DCC: variants seen among roughly 807,000 people sequenced by gnomAD.
The protein encoded by DCC is DCC netrin 1 receptor.
A neutral mutation model predicts 172.5 loss-of-function variants in DCC; 58 were observed. That is an observed-to-expected ratio of 0.34 (90% CI 0.27 to 0.42). DCC has a LOEUF of 0.42. DCC is among the 10% of genes least tolerant of loss of function. The pLI is 1.00. For synonymous variants in DCC, 709 were observed against 644.5 expected (o/e 1.10, Z -1.52); for missense variants, 1,740 against 1,791.0 (o/e 0.97, Z 0.51).
In DCC at chr18:52,698,762, C is replaced by CTTT. The variant is rs1249372991; in HGVS notation, c.92-53291_92-53290insTTT. Among the ~76,000 whole-genome samples, 36 of 44,028 alleles carry CTTT rather than the reference C, an allele frequency of 8.2e-4. 1 individual carries two copies. Among genetic ancestry groups the CTTT allele is most frequent in the African/African-American group, 1.1e-3 (13 of 11,388 alleles). 28.9% of individuals were successfully genotyped at this position (44,028 alleles called of 152,430 possible). On this transcript the variant is annotated intron_variant, in intron 1 of 28. Transcript: ENST00000442544. ...TACAGGCTCCCGCCACCACGCCTGG[C>CTTT]TATTTTTTTTTTTTTTTTTTGTAGT...
At chr18:53,171,165 G>A (rs1302474456) in intron 8 of DCC, among the ~76,000 whole-genome samples, 3 of 152,170 alleles carry the variant, frequency 2.0e-5, no homozygotes, top group Admixed American at 1.3e-4. Context: ...GATTACAGGT[G>A]TGAGCCACTG....
chr18:52,647,721 G>A (rs1426152589), intron 1 of DCC, among the ~76,000 whole-genome samples: 1 of 152,198 alleles, frequency 6.6e-6, no homozygotes, highest in Non-Finnish European at 1.5e-5. Context: ...AGTTCAGGGG[G>A]AAAGGTACTT....
chr18:52,610,159 A>T (rs1438423115), intron 1 of DCC, among the ~76,000 whole-genome samples: 31 of 10,486 alleles, frequency 3.0e-3, no homozygotes, highest in Non-Finnish European at 4.2e-3. Context: ...CATAAAAAAA[A>T]AAAAAAAAAA....
intron 1 of DCC, among the ~76,000 whole-genome samples, chr18:52,574,509 A>G (rs987315376): frequency 2.6e-5 from 4 of 152,206 alleles, no homozygotes; most frequent in Admixed American, 1.3e-4. Context: ...GAGCTATGGA[A>G]TAGTTCTTTA....
intron 5 of DCC, among the ~76,000 whole-genome samples, chr18:53,034,068 C>G (rs957039025): frequency 6.6e-6 from 1 of 152,074 alleles, no homozygotes; most frequent in South Asian, 2.1e-4. Flanking sequence ...CCTCTTAGTT[C>G]TCACTTCTCT....
intron 24 of DCC, 90 bp from the exon 25 acceptor site, chr18:53,467,804 A>T (rs748634337): frequency 1.0e-5 from 8 of 779,968 alleles, no homozygotes; most frequent in Non-Finnish European, 1.9e-5. Context: ...CATCTGTAAG[A>T]CTGAAAAGGC....
chr18:52,801,455 A>C (rs185404019), intron 2 of DCC, among the ~76,000 whole-genome samples: 1 of 152,218 alleles, frequency 6.6e-6, no homozygotes. Context: ...GGTGAAAAAA[A>C]AATTGCCTCA....
At chr18:52,888,557 T>TA (rs573641398) in intron 2 of DCC, among the ~76,000 whole-genome samples, 103 of 152,208 alleles carry the variant, frequency 6.8e-4, no homozygotes, top group African/African-American at 2.1e-3. Context: ...TCTGATTACT[T>TA]AAAAAAAGTA....
intron 15 of DCC, among the ~76,000 whole-genome samples, chr18:53,357,794 A>G (rs928924191): frequency 6.6e-6 from 1 of 152,208 alleles, no homozygotes; most frequent in Non-Finnish European, 1.5e-5. Flanking sequence ...GTGCAGCAAT[A>G]GTGAACACGG....
intron 1 of DCC, among the ~76,000 whole-genome samples, chr18:52,385,573 C>A (rs1245700929): frequency 6.6e-6 from 1 of 152,032 alleles, no homozygotes; most frequent in Non-Finnish European, 1.5e-5. Flanking sequence ...TCCAGGGGAA[C>A]AGTTCCACAG....
chr18:52,415,702 C>G (rs969516893), intron 1 of DCC, among the ~76,000 whole-genome samples: 1 of 152,088 alleles, frequency 6.6e-6, no homozygotes, highest in Non-Finnish European at 1.5e-5. Flanking sequence ...CAGTGGGGAA[C>G]AGCTTTTTGA....
chr18:53,051,897 A>G (rs1192027330), intron 5 of DCC, among the ~76,000 whole-genome samples: 2 of 152,082 alleles, frequency 1.3e-5, no homozygotes, highest in African/African-American at 4.8e-5. Context: ...CCAGAAAAGT[A>G]TCCTATTCTT....
chr18:53,371,546 G>T (rs2058060118), intron 15 of DCC, among the ~76,000 whole-genome samples: 1 of 151,900 alleles, frequency 6.6e-6, no homozygotes, highest in Admixed American at 6.6e-5. Context: ...GATGGTTCTT[G>T]CAGGTTTTTA....
chr18:53,044,984 G>T (rs1219957252), intron 5 of DCC, among the ~76,000 whole-genome samples: 6 of 151,794 alleles, frequency 4.0e-5, no homozygotes, highest in African/African-American at 1.2e-4. Flanking sequence ...TTTGACATAT[G>T]AACAGATATA....
At chr18:52,745,239 T>G (rs931573884) in intron 1 of DCC, among the ~76,000 whole-genome samples, 1 of 152,218 alleles carries the variant, frequency 6.6e-6, no homozygotes, top group Admixed American at 6.5e-5. Flanking sequence ...GTTCACCTAC[T>G]TACTTAGAAA....
intron 9 of DCC, among the ~76,000 whole-genome samples, chr18:53,183,461 A>C (rs898486493): frequency 6.6e-6 from 1 of 152,060 alleles, no homozygotes; most frequent in Non-Finnish European, 1.5e-5. Flanking sequence ...TTCATACCAC[A>C]TGTGGAGATT....
chr18:53,456,416 C>T (rs2045483834), intron 23 of DCC, among the ~76,000 whole-genome samples: 1 of 152,054 alleles, frequency 6.6e-6, no homozygotes, highest in Non-Finnish European at 1.5e-5. Flanking sequence ...TATTCTAGGG[C>T]TATTTTAGAA....
chr18:52,491,762 G>T lies in DCC; in HGVS notation c.91+150884G>T, dbSNP rs537677899. On this transcript the variant is annotated intron_variant, in intron 1 of 28. Coordinates refer to ENST00000442544, the MANE Select transcript of DCC (RefSeq NM_005215.4). Reference sequence around the variant, plus strand: ...TATGGGAGAAGGGAAACTCACGAATGCTTAGGAAGTTTACTTGAGTAGCTG... The same window carrying T: ...TATGGGAGAAGGGAAACTCACGAATTCTTAGGAAGTTTACTTGAGTAGCTG... Among the ~76,000 whole-genome samples the T allele has an allele frequency of 5.9e-5, 9 of 152,130 alleles. No individual in the cohort carries two copies. The South Asian group carries it at 1.9e-3, about 32-fold the overall frequency.
intron 1 of DCC, among the ~76,000 whole-genome samples, chr18:52,748,408 C>T (rs943852625): frequency 1.3e-5 from 2 of 152,212 alleles, no homozygotes; most frequent in African/African-American, 2.4e-5. Flanking sequence ...CTCCGGGAGT[C>T]CCAAGGTCTG....
Sources: allele counts gnomAD v4.1 joint callset (sites outside exome capture counted in the v4.1 genomes callset), GRCh38; gene constraint gnomAD v4.1.1; transcripts MANE v1.5; gene names NCBI Gene and HGNC (gene_info 2026-07-23, HGNC 2026-07-21).